Variants in GSE1 observed in about 807,000 individuals in gnomAD.
The protein encoded by GSE1 is genetic suppressor element 1.
Under a neutral mutation model 112.6 loss-of-function variants are expected in GSE1, and 32 were observed. The observed-to-expected ratio is 0.28, with a 90% CI of 0.21 to 0.38. The LOEUF (loss-of-function observed/expected upper bound fraction) is 0.38, where lower values mean the gene tolerates loss of function less well. Among genes scored for constraint, GSE1 ranks in the 10% least tolerant of loss-of-function variants. GSE1 has a pLI of 1.00. For synonymous variants in GSE1, 1,115 were observed against 735.6 expected (o/e 1.52, Z -8.35); for missense variants, 2,348 against 1,699.2 (o/e 1.38, Z -6.71).
intron 1 of GSE1, among the ~76,000 whole-genome samples, chr16:85,188,396 C>A (rs2074752829): frequency 1.3e-5 from 2 of 152,182 alleles, no homozygotes; most frequent in Non-Finnish European, 2.9e-5. Context: ...TTTATTATTT[C>A]CCTTCTGTTC....
chr16:85,426,407 T>C (rs1241835535), intron 2 of GSE1, among the ~76,000 whole-genome samples: 2 of 130,872 alleles, frequency 1.5e-5, no homozygotes, highest in Non-Finnish European at 1.6e-5. Flanking sequence ...TGAATGTGGA[T>C]GGATGGATGA....
chr16:85,524,922 A>T (rs1335855003), intron 2 of GSE1, among the ~76,000 whole-genome samples: 5 of 152,300 alleles, frequency 3.3e-5, no homozygotes, highest in African/African-American at 1.2e-4. Flanking sequence ...GGAGGCTGCC[A>T]TTAGTGAGCC....
chr16:85,325,227 T>G (rs2046201328), intron 1 of GSE1, among the ~76,000 whole-genome samples: 1 of 152,038 alleles, frequency 6.6e-6, no homozygotes, highest in Non-Finnish European at 1.5e-5. Context: ...CCTCAGTCTC[T>G]CAAAGTACTT....
chr16:85,666,585 T>C, intron 13 of GSE1: 3 of 565,974 alleles, frequency 5.3e-6, no homozygotes, highest in South Asian at 2.0e-5. Context: ...GACGCTGTGC[T>C]GTGAGCAGGG....
chr16:85,339,401 G>A (rs1447575777), intron 1 of GSE1, among the ~76,000 whole-genome samples: 1 of 152,116 alleles, frequency 6.6e-6, no homozygotes, highest in African/African-American at 2.4e-5. Flanking sequence ...TGCTGACGAG[G>A]CCCTGGCACG....
chr16:85,363,667 C>G lies in GSE1; in HGVS notation c.2464+6024C>G, dbSNP rs117780305. ...CCACCAGAGGGTGCAGTTGCAAAAG[C>G]CTGATTTTCCCATGCTGTGCCTCAG... On this transcript the variant is annotated intron_variant, in intron 2 of 2. Coordinates refer to the GSE1 transcript ENST00000637419. Among the ~76,000 whole-genome samples, 303 of 152,294 alleles carry G rather than the reference C, an allele frequency of 2.0e-3. 1 individual carries two copies. Among genetic ancestry groups the G allele is most frequent in the Middle Eastern group, 0.01 (3 of 294 alleles).
chr16:85,435,137 C>T (rs566383440), intron 2 of GSE1, among the ~76,000 whole-genome samples: 84 of 151,822 alleles, frequency 5.5e-4, no homozygotes, highest in Non-Finnish European at 7.8e-4. Flanking sequence ...ATTCCCTGTC[C>T]AGGTCAGGCA....
chr16:85,556,752 C>T (rs1169357932), intron 1 of GSE1, among the ~76,000 whole-genome samples: 1 of 127,858 alleles, frequency 7.8e-6, no homozygotes, highest in African/African-American at 3.0e-5. Flanking sequence ...GTAGCATGCC[C>T]CCCCCCCCCC....
At chr16:85,611,525 T>A, upstream of GSE1, 1 of 976,064 alleles carries the variant, frequency 1.0e-6, no homozygotes, top group Non-Finnish European at 1.2e-6. Context: ...CCGGCCAGCG[T>A]CCGCAGGTAG....
rs2049281015 is a variant in GSE1 at position 85,628,689 on chromosome 16, C to T, written c.8-5225C>T. 6.6e-5 allele frequency among the ~76,000 whole-genome samples: 10 copies of T among 152,338 alleles called. No individual in the cohort carries two copies. The South Asian group carries it at 2.1e-3, about 32-fold the overall frequency. ...ACTTCGTGCCGTCGAGCCGCCATCC[C>T]TTTGAATGTCCGCCTTTTAAAAGCC... is the stretch of plus-strand genomic sequence containing the variant. On this transcript the variant is annotated intron_variant, in intron 1 of 15. Transcript: ENST00000253458.
At chr16:85,271,958 T>G (rs1908878406) in intron 1 of GSE1, among the ~76,000 whole-genome samples, 1 of 152,232 alleles carries the variant, frequency 6.6e-6, no homozygotes, top group Non-Finnish European at 1.5e-5. Context: ...GGCCAGCGTC[T>G]GCAGGACGCC....
At chr16:85,302,406 T>G (rs1412865687) in intron 1 of GSE1, among the ~76,000 whole-genome samples, 1 of 151,596 alleles carries the variant, frequency 6.6e-6, no homozygotes, top group African/African-American at 2.4e-5. Flanking sequence ...GTCGGCCCAG[T>G]TTACTGAATG....
chr16:85,637,856 G>T (rs35978246), intron 2 of GSE1, among the ~76,000 whole-genome samples: 54,023 of 152,066 alleles, frequency 0.36, 10,166 homozygotes, highest in African/African-American at 0.46. Flanking sequence ...GCTAGCGGCT[G>T]AGCTGGCCAG....
intron 1 of GSE1, among the ~76,000 whole-genome samples, chr16:85,194,071 G>A (rs1023809258): frequency 2.6e-5 from 4 of 152,198 alleles, no homozygotes; most frequent in South Asian, 4.1e-4. Flanking sequence ...AGGCTCATGC[G>A]GCCAGTATGT....
intron 1 of GSE1, among the ~76,000 whole-genome samples, chr16:85,624,276 G>A (rs2048925007): frequency 6.6e-6 from 1 of 152,208 alleles, no homozygotes; most frequent in East Asian, 1.9e-4. Context: ...AGGGCCTCTG[G>A]AGGGAGGAAG....
At chr16:85,188,826 CAAAA>C (rs1209349779) in intron 1 of GSE1, among the ~76,000 whole-genome samples, 3 of 148,510 alleles carry the variant, frequency 2.0e-5, no homozygotes, top group Non-Finnish European at 4.5e-5. Context: ...AAAAACAAAA[CAAAA>C]AAACACAGGA....
At chr16:85,545,497 G>A (rs975833349) in intron 2 of GSE1, among the ~76,000 whole-genome samples, 2 of 152,142 alleles carry the variant, frequency 1.3e-5, no homozygotes, top group Admixed American at 6.5e-5. Flanking sequence ...AGAGATGAGA[G>A]AGTTGAAAAT....
At chr16:85,302,898 G>C (rs1344114204) in intron 1 of GSE1, among the ~76,000 whole-genome samples, 3 of 152,188 alleles carry the variant, frequency 2.0e-5, no homozygotes, top group African/African-American at 7.2e-5. Flanking sequence ...CCTTCAATCG[G>C]GTCCAACGGG....
intron 1 of GSE1, among the ~76,000 whole-genome samples, chr16:85,185,611 A>G (rs1337654310): frequency 6.6e-6 from 1 of 152,200 alleles, no homozygotes; most frequent in Non-Finnish European, 1.5e-5. Flanking sequence ...TTCTGAGCAT[A>G]TTGGCCAGAT....
Sources: gnomAD v4.1 joint callset for allele counts (sites outside exome capture counted in the v4.1 genomes callset) on GRCh38, gnomAD v4.1.1 for gene constraint, MANE v1.5 for transcripts, NCBI Gene and HGNC (gene_info 2026-07-23, HGNC 2026-07-21) for gene names.